The following PDE11A variants were observed in gnomAD, a reference collection of about 807,000 sequenced individuals.
PDE11A encodes the protein phosphodiesterase 11A.
In PDE11A, 100 loss-of-function variants were observed where a neutral mutation model predicts 100.5. The ratio of observed to expected loss-of-function variants is 1.00; its 90% CI spans 0.85 to 1.18. The LOEUF is 1.18. Among genes scored for constraint, PDE11A ranks in the 50% most tolerant of loss-of-function variants. PDE11A has a pLI of 0.00. For missense variants in PDE11A, 1,141 were observed against 1,152.6 expected (o/e 0.99, Z 0.15); for synonymous variants, 381 against 420.8 (o/e 0.91, Z 1.16).
At chr2:178,075,906 T>C (rs1235623331), upstream of PDE11A, among the ~76,000 whole-genome samples, 1 of 152,184 alleles carries the variant, frequency 6.6e-6, no homozygotes, top group Non-Finnish European at 1.5e-5. Flanking sequence ...AATAAAAATA[T>C]ATTTCCCTTT....
upstream of PDE11A, among the ~76,000 whole-genome samples, chr2:178,073,613 GT>G (rs763159404): frequency 1.3e-5 from 2 of 152,154 alleles, no homozygotes; most frequent in African/African-American, 2.4e-5. Flanking sequence ...GTTTAGCATA[GT>G]GCCTGGCACA....
chr2:177,630,479 G>A (rs1376115982), intron 19 of PDE11A, among the ~76,000 whole-genome samples: 2 of 152,058 alleles, frequency 1.3e-5, no homozygotes. Flanking sequence ...CAAGATAGGG[G>A]GTAACATGGG....
chr2:177,997,201 A>T, intron 2 of PDE11A: 4 of 1,269,462 alleles, frequency 3.2e-6, no homozygotes, highest in Non-Finnish European at 4.6e-6. Flanking sequence ...TATTCAGTAG[A>T]GTCTTCCACG....
chr2:177,785,098 G>A (rs1236078197), intron 9 of PDE11A, among the ~76,000 whole-genome samples: 2 of 152,188 alleles, frequency 1.3e-5, no homozygotes, highest in Admixed American at 6.5e-5. Flanking sequence ...GTGTCAGACT[G>A]CTGAGCTCAC....
Position 177,675,533 on chromosome 2 carries a change from C to T in PDE11A, c.2424-15G>A, listed in dbSNP as rs779911359. On this transcript the variant is annotated splice_polypyrimidine_tract_variant and intron_variant, in intron 16 of 19. Transcript: ENST00000286063. ...TTAACATTGATCTGAAAAACAGAAC[C>T]AAACAAAACAGCCTGAATAATCTTT... The T allele has an allele frequency of 6.2e-7, 1 of 1,605,290 alleles. No homozygotes were observed. The highest frequency in any genetic ancestry group is 8.5e-7 in the Non-Finnish European group (1 of 1,172,392).
At position 178,072,496 on chromosome 2, in the gene PDE11A, G is replaced by GT; in HGVS notation, c.-60_-59insA. ...TGAACCAAATGTTTTCCTGCCCCGA[G>GT]GCCTCTAGCTGTTCCTGCACATGTT... On this transcript the variant is annotated 5_prime_UTR_variant, in exon 1 of 20. Transcript: ENST00000286063. 1 of 1,604,390 alleles carries GT rather than the reference G, an allele frequency of 6.2e-7. No homozygotes were observed. The highest frequency in any genetic ancestry group is 2.2e-5 in the East Asian group (1 of 44,726).
At chr2:178,075,983 C>T (rs941664143), upstream of PDE11A, among the ~76,000 whole-genome samples, 6 of 152,132 alleles carry the variant, frequency 3.9e-5, no homozygotes, top group South Asian at 1.0e-3. Flanking sequence ...CTAATTCCAT[C>T]GAAACTATCT....
At chr2:178,063,710 A>C (rs2087003006) in intron 1 of PDE11A, among the ~76,000 whole-genome samples, 1 of 152,132 alleles carries the variant, frequency 6.6e-6, no homozygotes, top group Admixed American at 6.5e-5. Flanking sequence ...TTGATAAAGG[A>C]GATAGTTAGG....
intron 6 of PDE11A, among the ~76,000 whole-genome samples, chr2:177,822,630 T>C (rs2083158109): frequency 6.6e-6 from 1 of 152,122 alleles, no homozygotes; most frequent in African/African-American, 2.4e-5. Flanking sequence ...CACATACATA[T>C]ACATTCCTGG....
At chr2:177,766,993 T>G (rs902049755) in intron 10 of PDE11A, among the ~76,000 whole-genome samples, 12 of 152,174 alleles carry the variant, frequency 7.9e-5, no homozygotes, top group African/African-American at 2.9e-4. Context: ...AGGACAATGT[T>G]TTCTTTAAGC....
At position 177,817,858 on chromosome 2, in the gene PDE11A, C is replaced by A. The variant is rs780184140; in HGVS notation, c.1644G>T (p.Glu548Asp). 2 of 1,451,422 alleles carry A rather than the reference C, an allele frequency of 1.4e-6. No homozygotes were observed. The highest frequency in any genetic ancestry group is 1.9e-6 in the Non-Finnish European group (2 of 1,034,044). 89.9% of individuals were successfully genotyped at this position (1,451,422 alleles called of 1,614,324 possible). A position where few individuals can be genotyped will look rare whatever the true frequency, so the allele number is the denominator to read the frequency against. ...TTGGTTTATAAATTTATTTTCTTACCTCAAAAAGTCGTTGATCTGCATCAT... is the reference window on the plus strand; with the variant it reads ...TTGGTTTATAAATTTATTTTCTTACATCAAAAAGTCGTTGATCTGCATCAT... ...PFDDADQRLFEAFVIFCGLGI... is the reference protein window; with the variant it reads ...PFDDADQRLFDAFVIFCGLGI... The change falls in exon 8 of 20, where the codon GAG becomes GAT. Residue 548 changes from glutamate (E) to aspartate (D), a missense_variant and splice_region_variant. Coordinates refer to ENST00000286063, the MANE Select transcript of PDE11A (RefSeq NM_016953.4).
At chr2:177,822,709 T>G (rs2083159690) in intron 6 of PDE11A, among the ~76,000 whole-genome samples, 1 of 152,112 alleles carries the variant, frequency 6.6e-6, no homozygotes, top group Non-Finnish European at 1.5e-5. Flanking sequence ...AACTGAGTCT[T>G]TCAATCCATA....
Position 177,893,817 on chromosome 2 carries a change from T to A in PDE11A, c.1302+4241A>T, listed in dbSNP as rs563630023. On this transcript the variant is annotated intron_variant, in intron 4 of 19. Transcript: ENST00000286063. ...AAGGTCATAAGTAATATGGAAAAGG[T>A]ATAATTGTGGATTTGCTTGGTAATA... Among the ~76,000 whole-genome samples, 4 of 152,268 alleles carry A rather than the reference T, an allele frequency of 2.6e-5. No individual in the cohort carries two copies. The East Asian group carries it at 7.7e-4, about 29-fold the overall frequency.
intron 2 of PDE11A, among the ~76,000 whole-genome samples, chr2:177,939,353 G>A (rs1369858427): frequency 1.3e-5 from 2 of 148,794 alleles, no homozygotes; most frequent in East Asian, 4.0e-4. Context: ...AGGGAGGGCG[G>A]AAGGAGGGAG....
At chr2:178,032,113 G>A (rs567220992) in intron 1 of PDE11A, among the ~76,000 whole-genome samples, 2 of 152,214 alleles carry the variant, frequency 1.3e-5, no homozygotes, top group African/African-American at 4.8e-5. Flanking sequence ...TAGGTCAATT[G>A]CTTATTCAAA....
In PDE11A at chr2:177,626,887, A is replaced by G. The variant is rs1370892153; in HGVS notation, c.*2520T>C. 3 of 119,960 alleles carry G rather than the reference A, an allele frequency of 2.5e-5. No individual in the cohort carries two copies. Among genetic ancestry groups the G allele is most frequent in the Non-Finnish European group, 3.4e-5 (2 of 59,690 alleles). 7.4% of individuals were successfully genotyped at this position (119,960 alleles called of 1,614,324 possible). On this transcript the variant is annotated 3_prime_UTR_variant, in exon 20 of 20. Transcript: ENST00000286063. ...GGAAGTGCCATTTTTCTTTGTTTGG[A>G]TTGACTTTCACCTTTTTTTTTTTTT...
chr2:177,665,404 C>G (rs920562787), intron 18 of PDE11A, among the ~76,000 whole-genome samples: 5 of 149,728 alleles, frequency 3.3e-5, no homozygotes, highest in Non-Finnish European at 5.9e-5. Flanking sequence ...TGCTTAAGCC[C>G]AAGATGTCGA....
At chr2:178,025,470 GT>G (rs1420748763) in intron 1 of PDE11A, among the ~76,000 whole-genome samples, 1 of 151,982 alleles carries the variant, frequency 6.6e-6, no homozygotes, top group Non-Finnish European at 1.5e-5. Flanking sequence ...ATTTCCCTCT[GT>G]TCTTCCTTTC....
At chr2:177,656,957 A>G (rs1246784425) in intron 19 of PDE11A, among the ~76,000 whole-genome samples, 5 of 152,150 alleles carry the variant, frequency 3.3e-5, no homozygotes, top group Non-Finnish European at 5.9e-5. Flanking sequence ...CTTCAGAATG[A>G]ATGAGGGGGT....
Sources: allele counts gnomAD v4.1 joint callset (sites outside exome capture counted in the v4.1 genomes callset), GRCh38; gene constraint gnomAD v4.1.1; transcripts MANE v1.5; gene names NCBI Gene and HGNC (gene_info 2026-07-23, HGNC 2026-07-21).